The following AGBL4 variants were observed in gnomAD, a reference collection of about 807,000 sequenced individuals.
AGBL4 encodes the protein cytosolic carboxypeptidase 6.
A neutral mutation model predicts 66.4 loss-of-function variants in AGBL4; 58 were observed. The observed-to-expected ratio is 0.87, with a 90% CI of 0.71 to 1.09. The LOEUF (loss-of-function observed/expected upper bound fraction) is 1.09, where lower values mean the gene tolerates loss of function less well. AGBL4 is among the 50% of genes least tolerant of loss of function. The pLI is 0.00. For synonymous variants in AGBL4, 234 were observed against 222.9 expected, an observed-to-expected ratio of 1.05 and a Z score of -0.44; for missense variants, 579 against 631.0, an observed-to-expected ratio of 0.92 and a Z score of 0.88.
At chr1:49,696,183 G>A (rs1197102580) in intron 3 of AGBL4, among the ~76,000 whole-genome samples, 1 of 152,136 alleles carries the variant, frequency 6.6e-6, no homozygotes, top group Non-Finnish European at 1.5e-5. Flanking sequence ...ATCTCACTAT[G>A]TGTACAAAGC....
At chr1:49,252,657 G>A (rs546033808) in intron 3 of AGBL4, among the ~76,000 whole-genome samples, 45 of 152,292 alleles carry the variant, frequency 3.0e-4, no homozygotes, top group African/African-American at 9.9e-4. Context: ...GGCAGCTAGA[G>A]AGAAAGGTCA....
intron 2 of AGBL4, among the ~76,000 whole-genome samples, chr1:49,802,263 G>A (rs550874585): frequency 2.6e-5 from 4 of 152,194 alleles, no homozygotes; most frequent in Middle Eastern, 3.4e-3. Context: ...GACACATCGG[G>A]GGGGGTCGCC....
intron 2 of AGBL4, chr1:49,845,198 C>T (rs1160687252): frequency 1.9e-5 from 27 of 1,446,892 alleles, no homozygotes; most frequent in East Asian, 6.8e-5. Flanking sequence ...CGAAACAGCT[C>T]GGCACTTACC....
At chr1:49,665,694 T>C (rs1453132798) in intron 3 of AGBL4, among the ~76,000 whole-genome samples, 3 of 152,092 alleles carry the variant, frequency 2.0e-5, no homozygotes, top group Non-Finnish European at 1.5e-5. Flanking sequence ...GTATCTCTCA[T>C]TTTTGTTATA....
chr1:49,410,869 C>T (rs1189720780), intron 3 of AGBL4, among the ~76,000 whole-genome samples: 1 of 152,158 alleles, frequency 6.6e-6, no homozygotes, highest in Admixed American at 6.5e-5. Flanking sequence ...ACTCACTGCA[C>T]TTATCAAATG....
intron 3 of AGBL4, among the ~76,000 whole-genome samples, chr1:49,635,804 A>G (rs1645659784): frequency 1.3e-5 from 2 of 152,348 alleles, no homozygotes; most frequent in Admixed American, 1.3e-4. Flanking sequence ...TGGTACAACT[A>G]CTTAGAAAAA....
chr1:49,907,373 G>A (rs1283804707), intron 1 of AGBL4, among the ~76,000 whole-genome samples: 2 of 151,990 alleles, frequency 1.3e-5, no homozygotes, highest in Non-Finnish European at 2.9e-5. Flanking sequence ...TTATCTGTAG[G>A]AAAATGAGTG....
intron 3 of AGBL4, among the ~76,000 whole-genome samples, chr1:49,575,209 C>T (rs1324394204): frequency 1.3e-5 from 2 of 152,194 alleles, no homozygotes; most frequent in African/African-American, 4.8e-5. Context: ...ACATCATTGT[C>T]ATCCTCCAGT....
chr1:49,459,829 C>T (rs1445939983), intron 3 of AGBL4, among the ~76,000 whole-genome samples: 1 of 151,694 alleles, frequency 6.6e-6, no homozygotes, highest in African/African-American at 2.4e-5. Context: ...ACTGCTTTTG[C>T]TACATCCCAG....
Position 49,877,221 on chromosome 1 carries a change from A to G in AGBL4, c.35-25703T>C, listed in dbSNP as rs966391207. On this transcript the variant is annotated intron_variant, in intron 1 of 13. Coordinates refer to ENST00000371839, the MANE Select transcript of AGBL4 (RefSeq NM_032785.4). ...TTGAATAGGAGTGGTGAGAGAGGGC[A>G]TCCCTGTCTTGTGCCGGTTTTCAAA... Among the ~76,000 whole-genome samples the G allele has an allele frequency of 3.8e-4, 58 of 151,276 alleles. 1 individual carries two copies. The highest frequency in any genetic ancestry group is 1.3e-3 in the African/African-American group (52 of 40,774).
chr1:48,797,144 T>C (rs1171589588), intron 6 of AGBL4, among the ~76,000 whole-genome samples: 1 of 152,236 alleles, frequency 6.6e-6, no homozygotes, highest in African/African-American at 2.4e-5. Context: ...AATGTTAACC[T>C]TTCATATCTA....
At chr1:48,553,328 T>G (rs1220533293) in intron 11 of AGBL4, among the ~76,000 whole-genome samples, 1 of 152,140 alleles carries the variant, frequency 6.6e-6, no homozygotes, top group Admixed American at 6.5e-5. Flanking sequence ...TCACATATAT[T>G]TTTAGAAGCT....
At chr1:49,813,916 T>C (rs1270821816) in intron 2 of AGBL4, among the ~76,000 whole-genome samples, 6 of 152,114 alleles carry the variant, frequency 3.9e-5, no homozygotes, top group Admixed American at 2.6e-4. Context: ...AACTGAATCA[T>C]GCGGGCAGGT....
chr1:48,728,338 C>T (rs1277993211), intron 6 of AGBL4, among the ~76,000 whole-genome samples: 2 of 151,932 alleles, frequency 1.3e-5, no homozygotes, highest in Non-Finnish European at 2.9e-5. Flanking sequence ...ATTCTTTCCT[C>T]TCCACCAGAG....
intron 4 of AGBL4, among the ~76,000 whole-genome samples, chr1:49,111,313 C>T (rs769705958): frequency 6.6e-6 from 1 of 152,120 alleles, no homozygotes; most frequent in Non-Finnish European, 1.5e-5. Context: ...GAGGTTTCAC[C>T]GTGTTAGCCA....
At chr1:49,347,714 G>C (rs543678464) in intron 3 of AGBL4, among the ~76,000 whole-genome samples, 1 of 151,592 alleles carries the variant, frequency 6.6e-6, no homozygotes, top group South Asian at 2.1e-4. Context: ...AAAAAAATTA[G>C]CCGGGCGTGG....
intron 4 of AGBL4, among the ~76,000 whole-genome samples, chr1:49,219,641 A>G (rs893632018): frequency 6.6e-6 from 1 of 152,222 alleles, no homozygotes; most frequent in African/African-American, 2.4e-5. Flanking sequence ...CAGAATCCCT[A>G]AATAAATAGA....
chr1:49,791,608 C>G (rs1466385545), intron 2 of AGBL4, among the ~76,000 whole-genome samples: 1 of 152,044 alleles, frequency 6.6e-6, no homozygotes, highest in African/African-American at 2.4e-5. Context: ...CACTCCCTCA[C>G]CTAATGAACC....
chr1:49,975,849 C>G (rs1046421730), intron 1 of AGBL4, among the ~76,000 whole-genome samples: 19 of 152,298 alleles, frequency 1.2e-4, no homozygotes, highest in African/African-American at 4.6e-4. Context: ...ATTATTACTA[C>G]TACTAAGACC....
Sources: gnomAD v4.1 joint callset for allele counts (sites outside exome capture counted in the v4.1 genomes callset) on GRCh38, gnomAD v4.1.1 for gene constraint, MANE v1.5 for transcripts, NCBI Gene and HGNC (gene_info 2026-07-23, HGNC 2026-07-21) for gene names.